Variants in CACNG2 observed in about 807,000 individuals in gnomAD.
CACNG2 encodes voltage-dependent calcium channel gamma-2 subunit.
Under a neutral mutation model 25.9 loss-of-function variants are expected in CACNG2, and 3 were observed. That is an observed-to-expected ratio of 0.12 (90% CI 0.05 to 0.30). The LOEUF is 0.30. Ranked by LOEUF, CACNG2 falls within the 10% of genes least tolerant of loss-of-function variation. The pLI is 1.00. For synonymous variants in CACNG2, 167 were observed against 173.3 expected, an observed-to-expected ratio of 0.96 and a Z score of 0.29; for missense variants, 341 against 432.5, an observed-to-expected ratio of 0.79 and a Z score of 1.88.
chr22:36,577,965 G>A (rs1935352594), intron 2 of CACNG2, among the ~76,000 whole-genome samples: 1 of 152,128 alleles, frequency 6.6e-6, no homozygotes, highest in African/African-American at 2.4e-5. Context: ...CTCCCAGGGT[G>A]CAGTCCCAGA....
chr22:36,600,479 C>A (rs1031801431), intron 1 of CACNG2, among the ~76,000 whole-genome samples: 1 of 151,414 alleles, frequency 6.6e-6, no homozygotes, highest in African/African-American at 2.4e-5. Context: ...AACTTTATAG[C>A]CAAGCCTAAT....
At position 36,564,323 on chromosome 22, in the gene CACNG2, C is replaced by T. The variant is rs1481915192; in HGVS notation, c.*28G>A. ...GCCCCCGGGGACCGCGCCCTCCTCC[C>T]GCGGTCTTCTGGCGAGGCCCGCGGT... On this transcript the variant is annotated 3_prime_UTR_variant, in exon 4 of 4. Transcript: ENST00000300105. The surrounding 1 kb of genome is among the most constrained non-coding windows in gnomAD (Gnocchi z 6.7). The T allele has an allele frequency of 1.3e-5, 21 of 1,596,748 alleles. No individual in the cohort carries two copies. The East Asian group carries it at 4.3e-4, about 33-fold the overall frequency.
chr22:36,574,717 G>T (rs1410916219), intron 2 of CACNG2, among the ~76,000 whole-genome samples: 1 of 152,210 alleles, frequency 6.6e-6, no homozygotes, highest in African/African-American at 2.4e-5. Context: ...GGGAGGTGGA[G>T]GTTGCCGTGC....
chr22:36,574,012 GC>G (rs1016315443), intron 2 of CACNG2, among the ~76,000 whole-genome samples: 2 of 152,140 alleles, frequency 1.3e-5, no homozygotes, highest in African/African-American at 4.8e-5. Context: ...AGTGTGGGGA[GC>G]ACTGAAGGGA....
rs565683362 is a variant in CACNG2, at chr22:36,584,323, G to A, written c.295+3142C>T. On this transcript the variant is annotated intron_variant, in intron 2 of 3. Coordinates refer to ENST00000300105, the MANE Select transcript of CACNG2 (RefSeq NM_006078.5). Reference sequence around the variant, plus strand: ...AAAAAAATTAGCCAGGCATGGTGGCGCATGCATGTAATCCCAGCTACTCGG... The same window carrying A: ...AAAAAAATTAGCCAGGCATGGTGGCACATGCATGTAATCCCAGCTACTCGG... Among the ~76,000 whole-genome samples, 9 of 152,266 alleles carry A rather than the reference G, an allele frequency of 5.9e-5. No individual in the cohort carries two copies. In the South Asian group the frequency reaches 8.3e-4, roughly 14 times the overall value.
intron 1 of CACNG2, among the ~76,000 whole-genome samples, chr22:36,668,054 G>A (rs1377743364): frequency 6.6e-6 from 1 of 152,216 alleles, no homozygotes; most frequent in African/African-American, 2.4e-5. Flanking sequence ...TCTGAGGCAG[G>A]TGATACTATT....
At chr22:36,656,537 C>G (rs952578662) in intron 1 of CACNG2, among the ~76,000 whole-genome samples, 17 of 152,170 alleles carry the variant, frequency 1.1e-4, no homozygotes, top group Admixed American at 9.8e-4. Flanking sequence ...TAACTGGTCT[C>G]CCTGCTTTCA....
intron 1 of CACNG2, among the ~76,000 whole-genome samples, chr22:36,662,760 C>G (rs1475156771): frequency 6.6e-6 from 1 of 152,152 alleles, no homozygotes. Context: ...GTGCATGCCC[C>G]TTACAAACAC....
At chr22:36,680,652 CCACCAT>C (rs1569050627) in intron 1 of CACNG2, among the ~76,000 whole-genome samples, 1 of 16,724 alleles carries the variant, frequency 6.0e-5, no homozygotes. Flanking sequence ...ATCATTATCA[CCACCAT>C]CACCACCATC....
At chr22:36,689,910 A>G (rs1187514005) in intron 1 of CACNG2, among the ~76,000 whole-genome samples, 1 of 152,236 alleles carries the variant, frequency 6.6e-6, no homozygotes, top group Non-Finnish European at 1.5e-5. Context: ...TTTAAAAGCA[A>G]CAACTCACCC....
chr22:36,633,826 A>T (rs1022763499), intron 1 of CACNG2, among the ~76,000 whole-genome samples: 1 of 152,238 alleles, frequency 6.6e-6, no homozygotes, highest in East Asian at 1.9e-4. Context: ...CCAGTAACAC[A>T]TTTGAAATAA....
At chr22:36,571,563 T>C (rs1212260096) in intron 2 of CACNG2, among the ~76,000 whole-genome samples, 1 of 151,596 alleles carries the variant, frequency 6.6e-6, no homozygotes, top group Non-Finnish European at 1.5e-5. Flanking sequence ...CATATGAAAG[T>C]TTGAGAAGTG....
chr22:36,633,590 T>C (rs1236350319), intron 1 of CACNG2, among the ~76,000 whole-genome samples: 1 of 152,240 alleles, frequency 6.6e-6, no homozygotes, highest in East Asian at 1.9e-4. Flanking sequence ...AGCGATATGG[T>C]TAGACAGCTA....
chr22:36,591,887 CTTCTATT>C (rs745854766), intron 1 of CACNG2, among the ~76,000 whole-genome samples: 2 of 151,846 alleles, frequency 1.3e-5, no homozygotes. Flanking sequence ...TCTTCTGTTG[CTTCTATT>C]TTCCCAACGA....
intron 1 of CACNG2, among the ~76,000 whole-genome samples, chr22:36,645,984 T>C (rs1936518045): frequency 6.6e-6 from 1 of 152,182 alleles, no homozygotes; most frequent in East Asian, 1.9e-4. Flanking sequence ...CAACATTAGG[T>C]TGAAATCAAA....
chr22:36,575,146 G>C (rs888256694), intron 2 of CACNG2, among the ~76,000 whole-genome samples: 2 of 152,192 alleles, frequency 1.3e-5, no homozygotes, highest in African/African-American at 4.8e-5. Context: ...TACCTTACTG[G>C]GTTACAGGGA....
At position 36,651,221 on chromosome 22, in the gene CACNG2, C is replaced by T. The variant is rs1429323333; in HGVS notation, c.211+51145G>A. On this transcript the variant is annotated intron_variant, in intron 1 of 3. Coordinates refer to ENST00000300105, the MANE Select transcript of CACNG2 (RefSeq NM_006078.5). ...TGAAATTCTTAATAATTTCTTCTTC[C>T]TCCTTTTTTTTTTTTTTTTTTTTTT... 6.0e-5 allele frequency among the ~76,000 whole-genome samples: 8 copies of T among 133,172 alleles called. No individual in the cohort carries two copies. In the South Asian group the frequency reaches 1.2e-3, roughly 20 times the overall value. The allele number at this position is 133,172 out of a possible 152,430, so 87.4% of individuals were successfully genotyped here.
chr22:36,657,565 TGAG>T (rs1204010140), intron 1 of CACNG2, among the ~76,000 whole-genome samples: 1 of 152,056 alleles, frequency 6.6e-6, no homozygotes, highest in Admixed American at 6.5e-5. Flanking sequence ...TTCTCTGGAT[TGAG>T]GAGTTCATCT....
At chr22:36,644,822 G>GT (rs1374304359) in intron 1 of CACNG2, among the ~76,000 whole-genome samples, 3 of 151,932 alleles carry the variant, frequency 2.0e-5, no homozygotes, top group Admixed American at 6.6e-5. Flanking sequence ...TTTTGTTTTT[G>GT]TTTTTTTAAA....
Sources: allele counts gnomAD v4.1 joint callset (sites outside exome capture counted in the v4.1 genomes callset), GRCh38; gene constraint gnomAD v4.1.1; non-coding constraint Gnocchi (gnomAD v3.1); transcripts MANE v1.5; gene names NCBI Gene and HGNC (gene_info 2026-07-23, HGNC 2026-07-21).